The following MSH3 variants were observed in gnomAD, a reference collection of about 807,000 sequenced individuals.
MSH3 encodes DNA mismatch repair protein Msh3.
A neutral mutation model predicts 123.3 loss-of-function variants in MSH3; 106 were observed. That is an observed-to-expected ratio of 0.86 (90% confidence interval 0.73 to 1.01). The LOEUF (loss-of-function observed/expected upper bound fraction) is 1.01, where lower values mean the gene tolerates loss of function less well. Ranked by LOEUF, MSH3 falls within the 50% of genes least tolerant of loss-of-function variation. The pLI, the probability that MSH3 is intolerant of heterozygous loss-of-function variation, is 0.00. For missense variants in MSH3, 1,459 were observed against 1,347.6 expected (o/e 1.08, Z -1.29); for synonymous variants, 515 against 481.4 (o/e 1.07, Z -0.91).
intron 18 of MSH3, among the ~76,000 whole-genome samples, chr5:80,790,208 A>C (rs1744585094): frequency 6.6e-6 from 1 of 152,198 alleles, no homozygotes; most frequent in Non-Finnish European, 1.5e-5. Context: ...TATAAGTAAG[A>C]ATTTGGATGC....
At chr5:80,732,864 G>A (rs1320443625) in intron 10 of MSH3, among the ~76,000 whole-genome samples, 5 of 152,112 alleles carry the variant, frequency 3.3e-5, no homozygotes, top group African/African-American at 4.8e-5. Flanking sequence ...TACAACTAAC[G>A]TGGAACTTTC....
At chr5:80,821,958 G>A (rs1745210822) in intron 20 of MSH3, among the ~76,000 whole-genome samples, 1 of 152,216 alleles carries the variant, frequency 6.6e-6, no homozygotes, top group Admixed American at 6.5e-5. Context: ...GCCGTTATCT[G>A]TGAAACCAGT....
At chr5:80,805,941 G>A (rs1358669157) in intron 19 of MSH3, among the ~76,000 whole-genome samples, 8 of 152,028 alleles carry the variant, frequency 5.3e-5, no homozygotes, top group Admixed American at 5.2e-4. Flanking sequence ...GAAGTTGAAG[G>A]TATCAGTCCT....
At chr5:80,700,480 A>G (rs1429246172) in intron 8 of MSH3, among the ~76,000 whole-genome samples, 2 of 152,242 alleles carry the variant, frequency 1.3e-5, no homozygotes, top group Non-Finnish European at 2.9e-5. Flanking sequence ...TGTTATTAGT[A>G]TTAAAAAATC....
At chr5:80,812,462 A>T (rs371770714) in intron 19 of MSH3, among the ~76,000 whole-genome samples, 5 of 151,964 alleles carry the variant, frequency 3.3e-5, no homozygotes, top group African/African-American at 1.2e-4. Flanking sequence ...GATTCTTTTT[A>T]GCCTCTCTTC....
intron 4 of MSH3, among the ~76,000 whole-genome samples, chr5:80,671,647 G>T (rs1749726296): frequency 6.6e-6 from 1 of 152,132 alleles, no homozygotes; most frequent in African/African-American, 2.4e-5. Context: ...GGTGAGGTTG[G>T]GGAGCGAGAG....
intron 10 of MSH3, among the ~76,000 whole-genome samples, chr5:80,738,238 C>G (rs1028847872): frequency 1.1e-4 from 16 of 152,296 alleles, no homozygotes; most frequent in African/African-American, 3.6e-4. Flanking sequence ...TACCCCACCC[C>G]CTGTATACCA....
intron 12 of MSH3, among the ~76,000 whole-genome samples, chr5:80,749,793 G>A (rs543732025): frequency 2.6e-5 from 4 of 151,838 alleles, no homozygotes; most frequent in Non-Finnish European, 5.9e-5. Flanking sequence ...ACCGTACTAT[G>A]CAATAGATCA....
chr5:80,748,089 G>A (rs1028451354), intron 12 of MSH3, among the ~76,000 whole-genome samples: 2 of 152,168 alleles, frequency 1.3e-5, no homozygotes, highest in African/African-American at 4.8e-5. Context: ...TCTACAGTGA[G>A]ATCGTAGAAC....
At chr5:80,702,713 TAA>T (rs34322595) in intron 8 of MSH3, among the ~76,000 whole-genome samples, 1 of 149,796 alleles carries the variant, frequency 6.7e-6, no homozygotes, top group East Asian at 2.0e-4. Flanking sequence ...ATAATTTATT[TAA>T]AAAAAAAAAT....
intron 7 of MSH3, among the ~76,000 whole-genome samples, chr5:80,675,779 CAT>C (rs944409251): frequency 9.2e-5 from 14 of 152,162 alleles, no homozygotes; most frequent in Non-Finnish European, 1.6e-4. Context: ...CAATGGCAGA[CAT>C]ATGTGTGGAC....
intron 19 of MSH3, among the ~76,000 whole-genome samples, chr5:80,808,377 C>G (rs1035707566): frequency 6.6e-6 from 1 of 152,018 alleles, no homozygotes; most frequent in African/African-American, 2.4e-5. Context: ...GATATCGTGT[C>G]TTGATTGACC....
chr5:80,789,475 A>C (rs1018252860), intron 18 of MSH3, among the ~76,000 whole-genome samples: 2 of 149,602 alleles, frequency 1.3e-5, no homozygotes, highest in Non-Finnish European at 3.0e-5. Context: ...GGTTCAAGGG[A>C]TTCTCCTGCC....
At chr5:80,854,745 T>C (rs1347401459) in intron 21 of MSH3, among the ~76,000 whole-genome samples, 37 of 152,200 alleles carry the variant, frequency 2.4e-4, no homozygotes, top group Admixed American at 2.4e-3. Context: ...AAATAATGTT[T>C]GTAGTTTTTT....
intron 8 of MSH3, among the ~76,000 whole-genome samples, chr5:80,717,635 TG>T (rs2112849530): frequency 6.6e-6 from 1 of 152,340 alleles, no homozygotes; most frequent in Admixed American, 6.5e-5. Flanking sequence ...CCAACAGTTA[TG>T]TAAGAGTTCA....
chr5:80,670,653 C>T (rs1177647074), intron 4 of MSH3, among the ~76,000 whole-genome samples: 2 of 152,094 alleles, frequency 1.3e-5, no homozygotes, highest in Non-Finnish European at 2.9e-5. Context: ...AGCAAGAAAA[C>T]ATTTTTGAGA....
chr5:80,742,676 A>T (rs922278538), intron 11 of MSH3, among the ~76,000 whole-genome samples: 6 of 152,160 alleles, frequency 3.9e-5, no homozygotes, highest in Non-Finnish European at 4.4e-5. Flanking sequence ...CTGAATTCAG[A>T]TGTATTTTTG....
intron 19 of MSH3, among the ~76,000 whole-genome samples, chr5:80,798,600 T>C (rs904241477): frequency 6.6e-6 from 1 of 152,238 alleles, no homozygotes; most frequent in African/African-American, 2.4e-5. Flanking sequence ...GATTCTGCTG[T>C]AAAGGTGTTT....
At chr5:80,710,163 G>C (rs1750831080) in intron 8 of MSH3, among the ~76,000 whole-genome samples, 1 of 152,202 alleles carries the variant, frequency 6.6e-6, no homozygotes, top group Non-Finnish European at 1.5e-5. Context: ...AAACACCCTT[G>C]TGAGGTTGCT....
Sources: allele counts gnomAD v4.1 joint callset (sites outside exome capture counted in the v4.1 genomes callset), GRCh38; gene constraint gnomAD v4.1.1; transcripts MANE v1.5; gene names NCBI Gene and HGNC (gene_info 2026-07-23, HGNC 2026-07-21).